Variants in KDM6A observed in about 807,000 individuals in gnomAD.
KDM6A encodes lysine demethylase 6A.
A neutral mutation model predicts 117.6 loss-of-function variants in KDM6A; 11 were observed. The ratio of observed to expected loss-of-function variants is 0.09; its 90% CI spans 0.06 to 0.15. The LOEUF (loss-of-function observed/expected upper bound fraction) is 0.15, where lower values mean the gene tolerates loss of function less well. Ranked by LOEUF, KDM6A falls within the 10% of genes least tolerant of loss-of-function variation. KDM6A has a pLI of 1.00. For missense variants in KDM6A, 799 were observed against 1,077.3 expected, an observed-to-expected ratio of 0.74 and a Z score of 3.62; for synonymous variants, 384 against 396.1, an observed-to-expected ratio of 0.97 and a Z score of 0.36.
At chrX:44,968,782 C>A (rs1490754176) in intron 3 of KDM6A, among the ~76,000 whole-genome samples, 3 of 110,572 alleles carry the variant, frequency 2.7e-5, no homozygotes, top group African/African-American at 9.9e-5. Flanking sequence ...ACCAGCCTGA[C>A]CAACATGGAG....
At chrX:44,889,948 C>G (rs1190125418) in intron 2 of KDM6A, among the ~76,000 whole-genome samples, 4 of 112,304 alleles carry the variant, frequency 3.6e-5, no homozygotes, top group Admixed American at 9.5e-5. Flanking sequence ...ACTGTAGCAT[C>G]TTGCAAAACT....
intron 1 of KDM6A, 42 bp downstream of exon 1, chrX:44,873,754 A>G (rs778115210): frequency 4.3e-6 from 5 of 1,158,375 alleles, no homozygotes; most frequent in Non-Finnish European, 5.8e-6. Flanking sequence ...CCGGACGGGC[A>G]GTAGCCGCTC....
intron 2 of KDM6A, among the ~76,000 whole-genome samples, chrX:44,905,666 T>C (rs1028096988): frequency 8.9e-6 from 1 of 112,435 alleles, no homozygotes; most frequent in Admixed American, 9.4e-5. Context: ...AATTGTTCTA[T>C]GTCTGGTTAC....
intron 2 of KDM6A, among the ~76,000 whole-genome samples, chrX:44,907,445 TTGTG>T (rs71867476): frequency 0.15 from 13,638 of 93,339 alleles, 1,768 homozygotes; most frequent in African/African-American, 0.39. Context: ...GCCCGGCTAA[TTGTG>T]TGTGTGTGTG....
intron 6 of KDM6A, among the ~76,000 whole-genome samples, chrX:45,033,531 A>G (rs2042685587): frequency 9.0e-6 from 1 of 111,526 alleles, no homozygotes; most frequent in African/African-American, 3.3e-5. Context: ...GGTCAGCCTA[A>G]TTATGCATGC....
intron 2 of KDM6A, among the ~76,000 whole-genome samples, chrX:44,910,517 T>A (rs1356183753): frequency 9.3e-6 from 1 of 107,828 alleles, no homozygotes; most frequent in Non-Finnish European, 1.9e-5. Context: ...TTTTTTTTTT[T>A]AATTGTTCAT....
intron 8 of KDM6A, among the ~76,000 whole-genome samples, chrX:45,041,161 GCCGGGCAGGGGGCTGA>G (rs2043156899): frequency 1.3e-5 from 1 of 79,179 alleles, no homozygotes; most frequent in Admixed American, 1.2e-4. Flanking sequence ...GGGGCGGCTG[GCCGGGCAGGGGGCTGA>G]CCCCCCCCTC....
At chrX:44,970,729 G>A (rs978168159) in intron 3 of KDM6A, among the ~76,000 whole-genome samples, 3 of 111,823 alleles carry the variant, frequency 2.7e-5, no homozygotes, top group Admixed American at 1.9e-4. Context: ...CCTGATTCTA[G>A]CTTAAACAAT....
intron 8 of KDM6A, among the ~76,000 whole-genome samples, chrX:45,046,323 G>A (rs2043536997): frequency 8.9e-6 from 1 of 111,752 alleles, no homozygotes; most frequent in Admixed American, 9.5e-5. Context: ...ATATGCTTTA[G>A]TTTCAAAGTC....
intron 4 of KDM6A, among the ~76,000 whole-genome samples, chrX:45,005,264 G>A (rs953730038): frequency 2.7e-5 from 3 of 110,502 alleles, no homozygotes; most frequent in African/African-American, 9.9e-5. Context: ...GATCTGAGGA[G>A]GCAGTGGCTG....
chrX:44,876,873 A>G (rs1384884082), intron 2 of KDM6A, among the ~76,000 whole-genome samples: 2 of 110,998 alleles, frequency 1.8e-5, no homozygotes, highest in East Asian at 5.6e-4. Context: ...ATATATACAC[A>G]CGTGTACATA....
chrX:45,049,687 T>G (rs2043747008), intron 8 of KDM6A, among the ~76,000 whole-genome samples: 1 of 112,183 alleles, frequency 8.9e-6, no homozygotes, highest in Admixed American at 9.4e-5. Context: ...CTCCATTGTT[T>G]TAGGATACAG....
intron 27 of KDM6A, among the ~76,000 whole-genome samples, chrX:45,099,782 C>G (rs765767417): frequency 8.9e-6 from 1 of 111,887 alleles, no homozygotes; most frequent in Admixed American, 9.5e-5. Flanking sequence ...CGCCTATAAT[C>G]CCAACACTTT....
At chrX:45,002,164 G>A (rs138327901) in intron 4 of KDM6A, among the ~76,000 whole-genome samples, 3 of 109,898 alleles carry the variant, frequency 2.7e-5, no homozygotes, top group South Asian at 7.8e-4. Flanking sequence ...GCCAAACACC[G>A]TTTTATATTT....
At chrX:45,039,389 ACATTGT>A (rs1217912932) in intron 8 of KDM6A, among the ~76,000 whole-genome samples, 2 of 109,537 alleles carry the variant, frequency 1.8e-5, no homozygotes, top group African/African-American at 6.7e-5. Flanking sequence ...AATTCACAAT[ACATTGT>A]CTTTTGGCTT....
Position 45,063,410 on chromosome X carries a change from T to C in KDM6A, c.1684-12T>C. The C allele has an allele frequency of 1.7e-6, 2 of 1,199,120 alleles. No individual in the cohort carries two copies. Among genetic ancestry groups the C allele is most frequent in the African/African-American group, 3.5e-5 (2 of 57,548 alleles). On this transcript the variant is annotated splice_polypyrimidine_tract_variant and intron_variant, in intron 16 of 29. Coordinates refer to ENST00000611820, the MANE Select transcript of KDM6A (RefSeq NM_001291415.2). ...ACAACCAGCATTTACTTTTCCTTTG[T>C]TTTTTTGACAGATGAGACCAACAGG...
At chrX:45,057,947 T>TTATG (rs2147947361) in intron 10 of KDM6A, among the ~76,000 whole-genome samples, 1 of 111,026 alleles carries the variant, frequency 9.0e-6, no homozygotes, top group Non-Finnish European at 1.9e-5. Flanking sequence ...TGGAAAAACT[T>TTATG]TATGTATGTA....
intron 8 of KDM6A, among the ~76,000 whole-genome samples, chrX:45,047,840 C>T: frequency 9.4e-6 from 1 of 106,894 alleles, no homozygotes; most frequent in African/African-American, 3.4e-5. Context: ...CGTGCCATCA[C>T]ACTCAGCCTG....
chrX:45,047,433 T>C (rs1195709725), intron 8 of KDM6A, among the ~76,000 whole-genome samples: 1 of 108,101 alleles, frequency 9.3e-6, no homozygotes, highest in African/African-American at 3.3e-5. Context: ...TGCTTCAATC[T>C]GTATGCTTTC....
Sources: allele counts gnomAD v4.1 joint callset (sites outside exome capture counted in the v4.1 genomes callset), GRCh38; gene constraint gnomAD v4.1.1; transcripts MANE v1.5; gene names NCBI Gene and HGNC (gene_info 2026-07-23, HGNC 2026-07-21).